The following PBX3 variants were observed in gnomAD, a reference collection of about 807,000 sequenced individuals.
PBX3 encodes the protein PBX homeobox 3.
In PBX3, 14 loss-of-function variants were observed where a neutral mutation model predicts 48.5. The observed-to-expected ratio is 0.29, with a 90% confidence interval of 0.19 to 0.45. PBX3 has a LOEUF of 0.45. PBX3 is among the 20% of genes least tolerant of loss of function. The pLI is 1.00. For missense variants in PBX3, 386 were observed against 546.7 expected (o/e 0.71, Z 2.93); for synonymous variants, 210 against 200.3 (o/e 1.05, Z -0.41).
At chr9:125,801,058 A>G (rs1327422098) in intron 2 of PBX3, among the ~76,000 whole-genome samples, 1 of 152,082 alleles carries the variant, frequency 6.6e-6, no homozygotes, top group East Asian at 1.9e-4. Flanking sequence ...GCCTGGAATT[A>G]ATTTTTATTT....
chr9:125,880,830 G>A (rs544551413), intron 2 of PBX3, among the ~76,000 whole-genome samples: 3 of 152,096 alleles, frequency 2.0e-5, no homozygotes, highest in Non-Finnish European at 4.4e-5. Context: ...TTCTTTTAGA[G>A]TTTCCTTACT....
At chr9:125,936,169 A>C (rs1366780881) in intron 5 of PBX3, among the ~76,000 whole-genome samples, 1 of 152,128 alleles carries the variant, frequency 6.6e-6, no homozygotes, top group African/African-American at 2.4e-5. Context: ...AAAAATGTTT[A>C]TTTATAATAA....
At chr9:125,794,963 A>G (rs1009785961) in intron 2 of PBX3, among the ~76,000 whole-genome samples, 11 of 152,178 alleles carry the variant, frequency 7.2e-5, no homozygotes, top group African/African-American at 2.7e-4. Flanking sequence ...TGAATTCAGT[A>G]TTGATGCATT....
intron 3 of PBX3, among the ~76,000 whole-genome samples, chr9:125,919,296 C>T (rs1841403026): frequency 6.6e-6 from 1 of 151,536 alleles, no homozygotes; most frequent in Non-Finnish European, 1.5e-5. Context: ...TCACTGCGAC[C>T]TCCGCTTCCC....
chr9:125,950,129 C>T (rs989709758), intron 5 of PBX3, among the ~76,000 whole-genome samples: 2 of 152,192 alleles, frequency 1.3e-5, no homozygotes, highest in African/African-American at 4.8e-5. Context: ...AGGCACCCCT[C>T]AGCACGTGTT....
chr9:125,793,364 A>ATATATATATATATATATATAT (rs1263966407), intron 2 of PBX3, among the ~76,000 whole-genome samples: 10 of 59,104 alleles, frequency 1.7e-4, no homozygotes, highest in East Asian at 6.3e-4. Flanking sequence ...GGGGAAAAAA[A>ATATATATATATATATATATAT]AAATATATAT....
chr9:125,809,428 A>AT (rs58140229), intron 2 of PBX3, among the ~76,000 whole-genome samples: 3,450 of 136,848 alleles, frequency 0.025, 166 homozygotes, highest in East Asian at 0.17. Flanking sequence ...CTCAATGCTG[A>AT]TTTTTTTTTT....
chr9:125,914,187 G>GTT (rs1276253062), intron 2 of PBX3, among the ~76,000 whole-genome samples: 1 of 152,148 alleles, frequency 6.6e-6, no homozygotes. Flanking sequence ...CATTTTATGA[G>GTT]TTATCTTTTT....
At chr9:125,944,773 G>A (rs1842031681) in intron 5 of PBX3, among the ~76,000 whole-genome samples, 1 of 151,876 alleles carries the variant, frequency 6.6e-6, no homozygotes, top group Non-Finnish European at 1.5e-5. Flanking sequence ...GGGGGGTGGG[G>A]GATTTTATTA....
intron 2 of PBX3, among the ~76,000 whole-genome samples, chr9:125,793,253 G>A (rs1366088585): frequency 6.7e-6 from 1 of 150,206 alleles, no homozygotes; most frequent in Non-Finnish European, 1.5e-5. Flanking sequence ...TCGGGATGCT[G>A]AGGCGGGAGA....
chr9:125,871,874 G>C (rs1372732867), intron 2 of PBX3, among the ~76,000 whole-genome samples: 2 of 152,188 alleles, frequency 1.3e-5, no homozygotes, highest in Non-Finnish European at 2.9e-5. Flanking sequence ...GGGCACAAAG[G>C]TGCTTCTAGG....
intron 2 of PBX3, among the ~76,000 whole-genome samples, chr9:125,813,039 G>A (rs913575661): frequency 1.3e-5 from 2 of 152,048 alleles, no homozygotes; most frequent in East Asian, 3.8e-4. Flanking sequence ...TGTACACTTA[G>A]GCTATACTAA....
intron 5 of PBX3, among the ~76,000 whole-genome samples, chr9:125,959,481 C>A (rs1393362630): frequency 6.6e-6 from 1 of 152,228 alleles, no homozygotes; most frequent in Non-Finnish European, 1.5e-5. Context: ...GGCTCCCTTG[C>A]CAGGGCTCTC....
chr9:125,801,480 C>T (rs763483966), intron 2 of PBX3, among the ~76,000 whole-genome samples: 18 of 152,096 alleles, frequency 1.2e-4, no homozygotes, highest in Non-Finnish European at 1.6e-4. Flanking sequence ...CATATGATTT[C>T]CAAGTATTTT....
intron 5 of PBX3, among the ~76,000 whole-genome samples, chr9:125,938,979 A>ATG (rs968986978): frequency 2.0e-5 from 3 of 148,948 alleles, no homozygotes; most frequent in African/African-American, 7.6e-5. Context: ...GTTTGCATGT[A>ATG]TATGTGTGTG....
intron 2 of PBX3, among the ~76,000 whole-genome samples, chr9:125,785,550 C>T (rs1405508238): frequency 2.0e-5 from 3 of 152,180 alleles, no homozygotes; most frequent in Non-Finnish European, 4.4e-5. Context: ...GCTGCACTGT[C>T]GTCTTCCCTA....
At chr9:125,843,707 G>GA in intron 2 of PBX3, 1 of 422,610 alleles carries the variant, frequency 2.4e-6, no homozygotes, top group East Asian at 7.8e-5. Context: ...TCTCTGTTAT[G>GA]CTTTTAGTAG....
intron 2 of PBX3, among the ~76,000 whole-genome samples, chr9:125,779,290 TG>T (rs1837171283): frequency 6.9e-6 from 1 of 144,860 alleles, no homozygotes; most frequent in African/African-American, 2.6e-5. Context: ...TGATCATTCT[TG>T]GGTGTTTCTC....
Position 125,960,863 on chromosome 9 carries a change from G to T in PBX3, c.1009+14G>T. On this transcript the variant is annotated intron_variant, in intron 6 of 8. Transcript: ENST00000373489. ...CACCAAATTCCGGTGCGTACTGGGGGCTCGCTCCCCAACTGGCCCAGGCAG... is the reference window on the plus strand; with the variant it reads ...CACCAAATTCCGGTGCGTACTGGGGTCTCGCTCCCCAACTGGCCCAGGCAG... 6.2e-7 allele frequency: 1 copy of T among 1,608,708 alleles called. No homozygotes were observed. The highest frequency in any genetic ancestry group is 1.1e-5 in the South Asian group (1 of 90,456).
Sources: gnomAD v4.1 joint callset for allele counts (sites outside exome capture counted in the v4.1 genomes callset) on GRCh38, gnomAD v4.1.1 for gene constraint, MANE v1.5 for transcripts, NCBI Gene and HGNC (gene_info 2026-07-23, HGNC 2026-07-21) for gene names.